FOXP1: variants seen among roughly 807,000 people sequenced by gnomAD.
FOXP1 encodes forkhead box protein P1.
Under a neutral mutation model 98.2 loss-of-function variants are expected in FOXP1, and 15 were observed. That is an observed-to-expected ratio of 0.15 (90% CI 0.10 to 0.24). FOXP1 has a LOEUF of 0.24. FOXP1 is among the 10% of genes least tolerant of loss of function. The pLI, the probability that FOXP1 is intolerant of heterozygous loss-of-function variation, is 1.00. For missense variants in FOXP1, 633 were observed against 848.5 expected, an observed-to-expected ratio of 0.75 and a Z score of 3.15; for synonymous variants, 371 against 314.5, an observed-to-expected ratio of 1.18 and a Z score of -1.90.
At chr3:71,209,424 A>C (rs192494465) in intron 5 of FOXP1, among the ~76,000 whole-genome samples, 1 of 152,318 alleles carries the variant, frequency 6.6e-6, no homozygotes, top group African/African-American at 2.4e-5. Flanking sequence ...TCAAGCTTCT[A>C]TTCTAAGATA....
intron 5 of FOXP1, among the ~76,000 whole-genome samples, chr3:71,239,688 T>G (rs2067089461): frequency 6.6e-6 from 1 of 152,254 alleles, no homozygotes; most frequent in African/African-American, 2.4e-5. Context: ...ATGGTATTTT[T>G]GAAAGCATGT....
intron 5 of FOXP1, among the ~76,000 whole-genome samples, chr3:71,203,438 T>A (rs934469703): frequency 6.6e-6 from 1 of 152,252 alleles, no homozygotes; most frequent in Non-Finnish European, 1.5e-5. Flanking sequence ...AAATTCATAA[T>A]GTCCAGGCCA....
chr3:71,189,713 C>A, intron 6 of FOXP1, among the ~76,000 whole-genome samples: 1 of 152,156 alleles, frequency 6.6e-6, no homozygotes, highest in African/African-American at 2.4e-5. Flanking sequence ...CCTGTTTTTC[C>A]CAACACTCCC....
chr3:70,991,752 T>C (rs569517912), intron 13 of FOXP1, among the ~76,000 whole-genome samples: 3 of 152,324 alleles, frequency 2.0e-5, no homozygotes, highest in Admixed American at 2.0e-4. Flanking sequence ...AATCCTATTC[T>C]GTTTTATAAT....
At chr3:71,311,982 G>C (rs905936869) in intron 4 of FOXP1, among the ~76,000 whole-genome samples, 3 of 152,122 alleles carry the variant, frequency 2.0e-5, no homozygotes, top group Non-Finnish European at 4.4e-5. Context: ...GCTCCCATTA[G>C]AAACACATTT....
chr3:70,986,982 A>C (rs2107480638), intron 14 of FOXP1, among the ~76,000 whole-genome samples: 1 of 152,356 alleles, frequency 6.6e-6, no homozygotes. Flanking sequence ...TTTATAGAAA[A>C]AAATCAGTCA....
At chr3:71,099,129 T>C (rs1434431977) in intron 7 of FOXP1, among the ~76,000 whole-genome samples, 1 of 152,204 alleles carries the variant, frequency 6.6e-6, no homozygotes, top group Non-Finnish European at 1.5e-5. Context: ...ATGGTCCACA[T>C]TACACAGCTA....
At chr3:71,500,226 TA>T (rs1160685294) in intron 2 of FOXP1, among the ~76,000 whole-genome samples, 1 of 152,258 alleles carries the variant, frequency 6.6e-6, no homozygotes, top group Non-Finnish European at 1.5e-5. Context: ...CCCACTAGAC[TA>T]ATTAGAACAC....
chr3:71,093,021 G>T (rs917330388), intron 7 of FOXP1, among the ~76,000 whole-genome samples: 1 of 152,164 alleles, frequency 6.6e-6, no homozygotes, highest in Non-Finnish European at 1.5e-5. Context: ...AGCCCTTTGG[G>T]AGGCCAAGGC....
chr3:71,156,300 G>A (rs535723200), intron 6 of FOXP1, among the ~76,000 whole-genome samples: 1 of 152,212 alleles, frequency 6.6e-6, no homozygotes, highest in East Asian at 1.9e-4. Flanking sequence ...CTTCTTCCCT[G>A]TATCACTTTC....
At chr3:71,396,724 AAC>A (rs1560423237) in intron 3 of FOXP1, among the ~76,000 whole-genome samples, 13 of 138,812 alleles carry the variant, frequency 9.4e-5, no homozygotes, top group African/African-American at 4.1e-4. Flanking sequence ...AGAAGACAGC[AAC>A]AGCAGAGCAT....
At chr3:71,233,686 G>A (rs911026109) in intron 5 of FOXP1, among the ~76,000 whole-genome samples, 19 of 141,992 alleles carry the variant, frequency 1.3e-4, no homozygotes, top group African/African-American at 3.8e-4. Flanking sequence ...CCTCGGCCTC[G>A]CACCCCCCCA....
rs541278525 is a variant in FOXP1, at chr3:71,074,641, G to T, written c.283-20868C>A. ...GCCAATCTGGAGACTAGGCTTGGGG[G>T]TAAAACTAAGCCTGGAAGAACAAAG... On this transcript the variant is annotated intron_variant, in intron 7 of 20. Coordinates refer to ENST00000649528, the MANE Select transcript of FOXP1 (RefSeq NM_001349338.3). 5.3e-5 allele frequency among the ~76,000 whole-genome samples: 8 copies of T among 152,312 alleles called. No homozygotes were observed. The East Asian group carries it at 5.8e-4, about 11-fold the overall frequency.
At chr3:71,413,290 A>ACACACACACC (rs371166757) in intron 3 of FOXP1, among the ~76,000 whole-genome samples, 1,531 of 138,430 alleles carry the variant, frequency 0.011, 21 homozygotes, top group South Asian at 0.018. Flanking sequence ...ACACACACAC[A>ACACACACACC]CCCAAAACAG....
At chr3:71,214,341 A>C (rs1576415040) in intron 5 of FOXP1, among the ~76,000 whole-genome samples, 3 of 152,346 alleles carry the variant, frequency 2.0e-5, no homozygotes, top group Admixed American at 2.0e-4. Context: ...CGAGAAAGAC[A>C]GGGCTTGAGG....
chr3:70,980,986 A>C (rs1439186391), intron 14 of FOXP1, among the ~76,000 whole-genome samples: 2 of 152,164 alleles, frequency 1.3e-5, no homozygotes, highest in Admixed American at 6.5e-5. Flanking sequence ...GCTCCCTTTC[A>C]GTTTTGGGAG....
At chr3:71,441,296 G>C (rs190198643) in intron 3 of FOXP1, among the ~76,000 whole-genome samples, 74 of 152,330 alleles carry the variant, frequency 4.9e-4, no homozygotes, top group African/African-American at 1.7e-3. Flanking sequence ...GACAGTCTTG[G>C]TTGTCACTGT....
chr3:71,038,658 T>C (rs986925924), intron 11 of FOXP1, among the ~76,000 whole-genome samples: 2 of 152,024 alleles, frequency 1.3e-5, no homozygotes, highest in African/African-American at 4.8e-5. Context: ...TAACTAATCA[T>C]TGCTTTTTTT....
intron 6 of FOXP1, among the ~76,000 whole-genome samples, chr3:71,189,337 T>C (rs1274919337): frequency 2.6e-5 from 4 of 152,358 alleles, no homozygotes; most frequent in African/African-American, 9.6e-5. Context: ...ACAAGCATTT[T>C]ATCAGTACTT....
Sources: gnomAD v4.1 joint callset for allele counts (sites outside exome capture counted in the v4.1 genomes callset) on GRCh38, gnomAD v4.1.1 for gene constraint, MANE v1.5 for transcripts, NCBI Gene and HGNC (gene_info 2026-07-23, HGNC 2026-07-21) for gene names.